ACSM3: variants seen among roughly 807,000 people sequenced by gnomAD.
The protein encoded by ACSM3 is acyl-CoA synthetase medium chain family member 3.
In ACSM3, 61 loss-of-function variants were observed where a neutral mutation model predicts 74.1. That is an observed-to-expected ratio of 0.82 (90% CI 0.67 to 1.02). The LOEUF is 1.02. ACSM3 is among the 50% of genes least tolerant of loss of function. The pLI is 0.00. For synonymous variants in ACSM3, 213 were observed against 241.5 expected, an observed-to-expected ratio of 0.88 and a Z score of 1.09; for missense variants, 660 against 697.0, an observed-to-expected ratio of 0.95 and a Z score of 0.60.
Position 20,780,765 on chromosome 16 carries a change from G to A in ACSM3, c.690G>A (p.Met230Ile). 6.2e-7 allele frequency: 1 copy of A among 1,614,166 alleles called. No homozygotes were observed. The highest frequency in any genetic ancestry group is 8.5e-7 in the Non-Finnish European group (1 of 1,180,026). Residue 230 changes from methionine (M) to isoleucine (I), a missense_variant, in exon 5 of 14, where the codon ATG (methionine) becomes ATA (isoleucine). Met to Ile is a conservative substitution (Grantham distance 10, BLOSUM62 1). Coordinates refer to ENST00000289416, the MANE Select transcript of ACSM3 (RefSeq NM_005622.4). ...TGAAGACAAAACACAATGAGATCAT[G>A]GCCATATTCTTTACCAGTGGAACAA... ...TCVKTKHNEI[M>I]AIFFTSGTSG... is the part of the protein sequence containing the mutation.
At chr16:20,756,779 A>C (rs2080035015) in intron 3 of ACSM3, among the ~76,000 whole-genome samples, 1 of 152,194 alleles carries the variant, frequency 6.6e-6, no homozygotes, top group Non-Finnish European at 1.5e-5. Flanking sequence ...TCTAACGTTT[A>C]AGTCTTTAAT....
chr16:20,700,104 A>G (rs1567319069), intron 1 of ACSM3, among the ~76,000 whole-genome samples: 1 of 152,142 alleles, frequency 6.6e-6, no homozygotes, highest in African/African-American at 2.4e-5. Context: ...TAAAATGGCA[A>G]AGTCTCTATC....
intron 1 of ACSM3, among the ~76,000 whole-genome samples, chr16:20,748,166 GATAA>G (rs1321584935): frequency 3.3e-5 from 5 of 151,106 alleles, no homozygotes; most frequent in South Asian, 2.1e-4. Context: ...TAAATAGATA[GATAA>G]ATAAATAAAT....
chr16:20,765,546 GTATGA>G (rs2080116697), intron 1 of ACSM3, among the ~76,000 whole-genome samples: 1 of 152,032 alleles, frequency 6.6e-6, no homozygotes, highest in Non-Finnish European at 1.5e-5. Flanking sequence ...AGCAAGCTAA[GTATGA>G]TATATTTATC....
chr16:20,741,319 C>G (rs1456645067), intron 1 of ACSM3, among the ~76,000 whole-genome samples: 1 of 152,244 alleles, frequency 6.6e-6, no homozygotes, highest in South Asian at 2.1e-4. Context: ...ACTTCAAGCA[C>G]AAAACCGATA....
At chr16:20,774,743 C>G (rs956870072) in intron 2 of ACSM3, among the ~76,000 whole-genome samples, 1 of 152,228 alleles carries the variant, frequency 6.6e-6, no homozygotes, top group Non-Finnish European at 1.5e-5. Flanking sequence ...GGGTCCCAGG[C>G]AGGCTGATCC....
intron 1 of ACSM3, among the ~76,000 whole-genome samples, chr16:20,699,626 C>A (rs2079707675): frequency 6.6e-6 from 1 of 152,084 alleles, no homozygotes; most frequent in Non-Finnish European, 1.5e-5. Context: ...AGAGAAGGAG[C>A]AGCCACTTTT....
At chr16:20,683,614 ATTC>A (rs2079489434) in intron 1 of ACSM3, among the ~76,000 whole-genome samples, 1 of 141,946 alleles carries the variant, frequency 7.0e-6, no homozygotes, top group African/African-American at 2.7e-5. Flanking sequence ...ATCCTCTTTA[ATTC>A]TTCTTAGCCC....
At chr16:20,737,782 C>G (rs1329713329) in intron 1 of ACSM3, 1 of 1,613,622 alleles carries the variant, frequency 6.2e-7, no homozygotes, top group African/African-American at 1.3e-5. Flanking sequence ...CTGAAATGTC[C>G]CTTTGTTTGG....
intron 1 of ACSM3, among the ~76,000 whole-genome samples, chr16:20,744,903 T>A (rs1596496064): frequency 1.3e-5 from 2 of 152,364 alleles, no homozygotes; most frequent in Admixed American, 1.3e-4. Context: ...TTAAATTTAA[T>A]TTGTCTAAAG....
chr16:20,748,716 T>C (rs1317690851), intron 1 of ACSM3, among the ~76,000 whole-genome samples: 1 of 152,218 alleles, frequency 6.6e-6, no homozygotes, highest in African/African-American at 2.4e-5. Context: ...TTGCTGGTTC[T>C]CAGTACCCCA....
chr16:20,748,324 T>C (rs1411372726), intron 1 of ACSM3, among the ~76,000 whole-genome samples: 1 of 152,086 alleles, frequency 6.6e-6, no homozygotes, highest in Non-Finnish European at 1.5e-5. Flanking sequence ...TCAGTAAGAG[T>C]ACAGCATTCA....
chr16:20,750,904 G>A (rs1175211417), intron 2 of ACSM3, among the ~76,000 whole-genome samples: 1 of 139,978 alleles, frequency 7.1e-6, no homozygotes, highest in Non-Finnish European at 1.5e-5. Flanking sequence ...GAGTGCAGTG[G>A]TGCAATCTTG....
At chr16:20,746,495 A>C (rs1172547662) in intron 1 of ACSM3, among the ~76,000 whole-genome samples, 5 of 152,370 alleles carry the variant, frequency 3.3e-5, no homozygotes, top group Middle Eastern at 6.8e-3. Flanking sequence ...TATATAGCGT[A>C]AAGTAAAATA....
At chr16:20,736,364 T>C (rs1035475381) in intron 1 of ACSM3, 3 of 139,172 alleles carry the variant, frequency 2.2e-5, no homozygotes, top group African/African-American at 8.1e-5. Context: ...GTCAGCTATA[T>C]TACACACAAA....
chr16:20,777,597 G>A lies in ACSM3; in HGVS notation c.638+17G>A. 1 of 1,595,840 alleles carries A rather than the reference G, an allele frequency of 6.3e-7. No individual in the cohort carries two copies. The highest frequency in any genetic ancestry group is 8.6e-7 in the Non-Finnish European group (1 of 1,164,506). On this transcript the variant is annotated intron_variant, in intron 4 of 13. Coordinates refer to ENST00000289416, the MANE Select transcript of ACSM3 (RefSeq NM_005622.4). ...GTTGATGAAGTGAGTAGCCACACTT[G>A]TTGTAAAACAGCTTCCCAAAAGGAA...
At chr16:20,748,484 A>G (rs533514106) in intron 1 of ACSM3, among the ~76,000 whole-genome samples, 4 of 152,380 alleles carry the variant, frequency 2.6e-5, no homozygotes, top group East Asian at 1.9e-4. Flanking sequence ...CAGTAAAATG[A>G]GAATAGCCAC....
chr16:20,750,256 G>A (rs767722553), intron 2 of ACSM3, among the ~76,000 whole-genome samples: 8 of 152,112 alleles, frequency 5.3e-5, no homozygotes, highest in South Asian at 2.1e-4. Context: ...AACCATATGC[G>A]TGTATTATTT....
At chr16:20,694,375 A>C (rs1395354493) in intron 1 of ACSM3, among the ~76,000 whole-genome samples, 1 of 152,242 alleles carries the variant, frequency 6.6e-6, no homozygotes, top group Non-Finnish European at 1.5e-5. Context: ...TGAGTAAATT[A>C]AATTTACATT....
Sources: allele counts gnomAD v4.1 joint callset (sites outside exome capture counted in the v4.1 genomes callset), GRCh38; gene constraint gnomAD v4.1.1; transcripts MANE v1.5; gene names NCBI Gene and HGNC (gene_info 2026-07-23, HGNC 2026-07-21).